The following MAP4K3 variants were observed in gnomAD, a reference collection of about 807,000 sequenced individuals.
The protein encoded by MAP4K3 is MAPK/ERK kinase kinase kinase 3.
A neutral mutation model predicts 143.5 loss-of-function variants in MAP4K3; 94 were observed. The ratio of observed to expected loss-of-function variants is 0.65; its 90% confidence interval spans 0.55 to 0.78. The LOEUF (loss-of-function observed/expected upper bound fraction) is 0.78, where lower values mean the gene tolerates loss of function less well. Ranked by LOEUF, MAP4K3 falls within the 30% of genes least tolerant of loss-of-function variation. MAP4K3 has a pLI of 0.00. For synonymous variants in MAP4K3, 416 were observed against 347.2 expected, an observed-to-expected ratio of 1.20 and a Z score of -2.20; for missense variants, 1,077 against 1,068.1, an observed-to-expected ratio of 1.01 and a Z score of -0.12.
intron 12 of MAP4K3, among the ~76,000 whole-genome samples, chr2:39,317,637 T>A (rs746349692): frequency 2.8e-4 from 43 of 151,982 alleles, no homozygotes; most frequent in Non-Finnish European, 5.6e-4. Flanking sequence ...TACACAGCCA[T>A]CAAAAATATG....
rs1681985807 is a variant in MAP4K3 at position 39,290,297 on chromosome 2, G to A, written c.1309C>T (p.Pro437Ser). 1 of 1,606,334 alleles carries A rather than the reference G, an allele frequency of 6.2e-7. No individual in the cohort carries two copies. Among genetic ancestry groups the A allele is most frequent in the African/African-American group, 1.3e-5 (1 of 74,580 alleles). ...TGAAAAATAAATCTGTCTACCTTTG[G>A]TGGCAAAGGAGGTGGAATTTTTGCT... ...LKAKIPPPLP[P>S]KPKSIFIPQE... is the part of the protein sequence containing the mutation. The change falls in exon 19 of 34, where the codon CCA (proline) becomes TCA (serine). Residue 437 changes from proline (P) to serine (S), a missense_variant. This residue lies in a region of MAP4K3 where 864 missense variants were observed against 801.2 expected (regional missense o/e 1.08). Coordinates refer to ENST00000263881, the MANE Select transcript of MAP4K3 (RefSeq NM_003618.4).
intron 3 of MAP4K3, among the ~76,000 whole-genome samples, chr2:39,350,296 T>C (rs1665415948): frequency 6.6e-6 from 1 of 152,198 alleles, no homozygotes; most frequent in South Asian, 2.1e-4. Flanking sequence ...ATAAGTATAC[T>C]GAGTTTAGCT....
At chr2:39,300,180 G>C (rs1198697529) in intron 15 of MAP4K3, among the ~76,000 whole-genome samples, 1 of 152,120 alleles carries the variant, frequency 6.6e-6, no homozygotes, top group Non-Finnish European at 1.5e-5. Context: ...GGTTTACTTT[G>C]TATATAGTAT....
At chr2:39,314,593 C>A (rs1683052203) in intron 13 of MAP4K3, among the ~76,000 whole-genome samples, 1 of 152,176 alleles carries the variant, frequency 6.6e-6, no homozygotes, top group Admixed American at 6.5e-5. Context: ...TTCCAGGTAT[C>A]ACTAGAACAA....
chr2:39,423,105 G>A (rs1465214269), intron 1 of MAP4K3, among the ~76,000 whole-genome samples: 2 of 151,788 alleles, frequency 1.3e-5, no homozygotes, highest in African/African-American at 4.8e-5. Flanking sequence ...TTTTAAAAAG[G>A]GAAAAAATCT....
chr2:39,356,373 A>G (rs1665610858), intron 2 of MAP4K3, 34 bp from the exon 3 acceptor site: 1 of 1,223,738 alleles, frequency 8.2e-7, no homozygotes, highest in African/African-American at 1.5e-5. Flanking sequence ...GAATATTTAG[A>G]GGTAAGTTTC....
intron 33 of MAP4K3, among the ~76,000 whole-genome samples, 162 bp downstream of exon 33, chr2:39,251,668 T>C (rs1421943069): frequency 6.6e-6 from 1 of 152,246 alleles, no homozygotes; most frequent in Non-Finnish European, 1.5e-5. Context: ...ATCAGGTACA[T>C]TTTCAAAGGC....
At chr2:39,414,379 G>A (rs1197185301) in intron 1 of MAP4K3, among the ~76,000 whole-genome samples, 3 of 152,054 alleles carry the variant, frequency 2.0e-5, no homozygotes, top group African/African-American at 7.2e-5. Context: ...ACTATTGCGG[G>A]GGAATTAAGA....
At position 39,437,190 on chromosome 2, in the gene MAP4K3, C is replaced by G; in HGVS notation, c.-203G>C. ...GACAAGCGGCCAATCGTCCCCGCCC[C>G]CCGCGGCCCGCCGCCGCGCCGAACC... On this transcript the variant is annotated 5_prime_UTR_variant, in exon 1 of 34. Transcript: ENST00000263881. The G allele has an allele frequency of 2.9e-6, 1 of 348,902 alleles. No individual in the cohort carries two copies. The highest frequency in any genetic ancestry group is 5.1e-6 in the Non-Finnish European group (1 of 197,470). The allele number at this position is 348,902 out of a possible 1,614,324, so 21.6% of individuals were successfully genotyped here.
chr2:39,292,547 AC>A (rs1682089735), intron 18 of MAP4K3, among the ~76,000 whole-genome samples: 1 of 152,136 alleles, frequency 6.6e-6, no homozygotes, highest in Non-Finnish European at 1.5e-5. Flanking sequence ...TGAACTTCCC[AC>A]CTCCAGAACT....
intron 3 of MAP4K3, among the ~76,000 whole-genome samples, chr2:39,352,865 C>G (rs1035405815): frequency 1.3e-5 from 2 of 152,124 alleles, no homozygotes; most frequent in Non-Finnish European, 2.9e-5. Context: ...GCTCAGTTTT[C>G]TTAACTTTTT....
rs547879472 is a variant in MAP4K3, at chr2:39,367,585, C to T, written c.154+10481G>A. ...GAAAAGGAAAAAGAAAAGAAAGAAA[C>T]CATGGCCCTGGCTCCCTAAAAAAAA... On this transcript the variant is annotated intron_variant, in intron 2 of 33. Transcript: ENST00000263881. Among the ~76,000 whole-genome samples, 3 of 151,732 alleles carry T rather than the reference C, an allele frequency of 2.0e-5. No homozygotes were observed. In the East Asian group the frequency reaches 5.8e-4, roughly 29 times the overall value.
In MAP4K3 at chr2:39,312,685, G is replaced by C. The variant is rs17023656; in HGVS notation, c.997+2625C>G. Among the ~76,000 whole-genome samples, 262 of 152,284 alleles carry C rather than the reference G, an allele frequency of 1.7e-3. 6 individuals are homozygous for C. The East Asian group carries it at 0.024, about 14-fold the overall frequency. On this transcript the variant is annotated intron_variant, in intron 13 of 33. Transcript: ENST00000263881. ...AATGGCCCTTAGATCTGATAAGTAG[G>C]TTAAGAATGAGTCCATCCTAACTGT...
intron 1 of MAP4K3, chr2:39,436,554 C>A: frequency 7.4e-6 from 2 of 270,512 alleles, no homozygotes. Flanking sequence ...GTCGCGCTGA[C>A]CCTGCCAACG....
At chr2:39,262,952 A>C (rs1250016866) in intron 28 of MAP4K3, among the ~76,000 whole-genome samples, 1 of 151,972 alleles carries the variant, frequency 6.6e-6, no homozygotes, top group East Asian at 1.9e-4. Context: ...TAAAAATACA[A>C]AAATTAGCTG....
intron 12 of MAP4K3, among the ~76,000 whole-genome samples, chr2:39,319,792 C>T (rs114651792): frequency 1.3e-5 from 2 of 152,074 alleles, no homozygotes; most frequent in African/African-American, 4.8e-5. Context: ...GCTCTTAATC[C>T]ATATGTAACC....
At chr2:39,260,585 A>T in intron 29 of MAP4K3, 21 bp downstream of exon 29, 1 of 1,609,104 alleles carries the variant, frequency 6.2e-7, no homozygotes, top group South Asian at 1.1e-5. Context: ...TACCCTTAAT[A>T]ATTCCATAAA....
At chr2:39,307,091 G>T (rs1370432011) in intron 15 of MAP4K3, among the ~76,000 whole-genome samples, 1 of 152,012 alleles carries the variant, frequency 6.6e-6, no homozygotes, top group Admixed American at 6.6e-5. Context: ...TTTATATAAA[G>T]AATCATTTAA....
At chr2:39,416,107 T>C (rs998562305) in intron 1 of MAP4K3, among the ~76,000 whole-genome samples, 4 of 149,234 alleles carry the variant, frequency 2.7e-5, no homozygotes, top group African/African-American at 4.9e-5. Flanking sequence ...TTCAATTATA[T>C]GGTAAATTGT....
Sources: gnomAD v4.1 joint callset for allele counts (sites outside exome capture counted in the v4.1 genomes callset) on GRCh38, gnomAD v4.1.1 for gene constraint, gnomAD v4.1.1 regional missense constraint, MANE v1.5 for transcripts, NCBI Gene and HGNC (gene_info 2026-07-23, HGNC 2026-07-21) for gene names.